FOXC2: variants seen among roughly 807,000 people sequenced by gnomAD.
FOXC2 encodes forkhead box protein C2.
A neutral mutation model predicts 7.2 loss-of-function variants in FOXC2; 7 were observed. That is an observed-to-expected ratio of 0.97 (90% CI 0.55 to 1.81). The LOEUF is 1.81. Among genes scored for constraint, FOXC2 ranks in the 40% most tolerant of loss-of-function variants. The probability of loss-of-function intolerance (pLI) is 0.00; values close to 1 mark genes in which losing one functional copy is unlikely to be tolerated. For synonymous variants in FOXC2, 436 were observed against 350.4 expected (o/e 1.24, Z -2.73); for missense variants, 846 against 741.2 (o/e 1.14, Z -1.64).
rs764783770 is a variant in FOXC2, at chr16:86,568,775, C to T, written c.1440C>T (p.Pro480=). The T allele has an allele frequency of 3.1e-6, 5 of 1,613,002 alleles. No individual in the cohort carries two copies. The highest frequency in any genetic ancestry group is 1.1e-5 in the South Asian group (1 of 91,082). The change falls in exon 1 of 1, where the codon CCC becomes CCT. Residue 480 remains proline, a synonymous_variant. Transcript: ENST00000649859. This position sits in a 1 kb window ranked among gnomAD's most constrained non-coding sequence, Gnocchi z 5.2. ...GTGGCAATGCCAGCTGCCAGCTGCC[C>T]TACAGATCCACGCCGCCTCTCTATC... ...QVSGNASCQL[P]YRSTPPLYRH...
chr16:86,568,024 C>A lies in FOXC2; in HGVS notation c.689C>A (p.Thr230Lys), dbSNP rs1428482010. The change falls in exon 1 of 1, where the codon ACG becomes AAG. Residue 230 changes from threonine to lysine, a missense_variant. Physicochemically the swap from Thr to Lys is moderately conservative, Grantham distance 78 (BLOSUM62 -1). Around this residue, in one of 3 missense-constraint regions of FOXC2, gnomAD observed 640 missense variants for 503.2 expected, o/e 1.27. Coordinates refer to ENST00000649859, the MANE Select transcript of FOXC2 (RefSeq NM_005251.3). This position sits in a 1 kb window ranked among gnomAD's most constrained non-coding sequence, Gnocchi z 5.2. Reference protein sequence around the residue: ...PALPVITKVETLSPESALQGS... With the variant: ...PALPVITKVEKLSPESALQGS... ...CTGCCGGTCATCACCAAGGTGGAGA[C>A]GCTGAGCCCCGAGAGCGCGCTGCAG... is the stretch of plus-strand genomic sequence containing the variant. 32 of 1,478,846 alleles carry A rather than the reference C, an allele frequency of 2.2e-5. No individual in the cohort carries two copies. The highest frequency in any genetic ancestry group is 2.8e-5 in the Non-Finnish European group (31 of 1,126,948). The allele number at this position is 1,478,846 out of a possible 1,614,324, so 91.6% of individuals were successfully genotyped here. A position where few individuals can be genotyped will look rare whatever the true frequency, so the allele number is the denominator to read the frequency against.
rs1228560228 is a variant in FOXC2, at chr16:86,568,486, C to T, written c.1151C>T (p.Ala384Val). Residue 384 changes from alanine (A) to valine (V), a missense_variant, in exon 1 of 1, where the codon GCC becomes GTC. By Grantham distance (64) the Ala-to-Val change is moderately conservative. Transcript: ENST00000649859. The surrounding 1 kb of genome is among the most constrained non-coding windows in gnomAD (Gnocchi z 5.2). ...GCCGGCCAGGAGGGCGCGCTCGCCGCCACGGGCCACCACCACCAGCACCAC... is the reference window on the plus strand; with the variant it reads ...GCCGGCCAGGAGGGCGCGCTCGCCGTCACGGGCCACCACCACCAGCACCAC... ...LAAGQEGALA[A>V]TGHHHQHHGH... is the part of the protein sequence containing the mutation. 10 of 1,298,408 alleles carry T rather than the reference C, an allele frequency of 7.7e-6. No homozygotes were observed. The highest frequency in any genetic ancestry group is 2.8e-4 in the Middle Eastern group (1 of 3,570). The allele number at this position is 1,298,408 out of a possible 1,614,324, so 80.4% of individuals were successfully genotyped here.
rs1172419110 is a variant in FOXC2, at chr16:86,568,744, A to C, written c.1409A>C (p.Gln470Pro). The C allele has an allele frequency of 6.2e-7, 1 of 1,612,862 alleles. No homozygotes were observed. Among genetic ancestry groups the C allele is most frequent in the Admixed American group, 1.7e-5 (1 of 60,004 alleles). ...GAGAACTCGACCCTCGGGGAGTCCC[A>C]GGTGAGTGGCAATGCCAGCTGCCAG... is the stretch of plus-strand genomic sequence containing the variant. ...GIENSTLGES[Q>P]VSGNASCQLP... The change falls in exon 1 of 1, where the codon CAG becomes CCG. Residue 470 changes from glutamine to proline, a missense_variant. Coordinates refer to ENST00000649859, the MANE Select transcript of FOXC2 (RefSeq NM_005251.3). This position sits in a 1 kb window ranked among gnomAD's most constrained non-coding sequence, Gnocchi z 5.2.
rs778476389 is a variant in FOXC2, at chr16:86,568,616, C to G, written c.1281C>G (p.Asn427Lys). The change falls in exon 1 of 1, where the codon AAC (asparagine) becomes AAG (lysine). Residue 427 changes from asparagine (N) to lysine (K), a missense_variant. Coordinates refer to ENST00000649859, the MANE Select transcript of FOXC2 (RefSeq NM_005251.3). The surrounding 1 kb of genome is among the most constrained non-coding windows in gnomAD (Gnocchi z 5.2). Reference protein sequence around the residue: ...AAAQAASWYLNHSGDLNHLPG... With the variant: ...AAAQAASWYLKHSGDLNHLPG... ...CGCAGGCGGCCTCCTGGTATCTCAACCACAGCGGGGACCTGAACCACCTCC... is the reference window on the plus strand; with the variant it reads ...CGCAGGCGGCCTCCTGGTATCTCAAGCACAGCGGGGACCTGAACCACCTCC... The G allele has an allele frequency of 1.7e-5, 28 of 1,611,988 alleles. No individual in the cohort carries two copies. The highest frequency in any genetic ancestry group is 2.3e-5 in the Non-Finnish European group (27 of 1,179,720).
In FOXC2 at chr16:86,568,831, C is replaced by G. The variant is rs1442755880; in HGVS notation, c.1496C>G (p.Thr499Arg). The part of the protein sequence containing the change: ...RHAAPYSYDC[T>R]KY ...GCAGCCCCCTACTCCTACGACTGCA[C>G]GAAATACTGACGTGTCCCGGGACCT... Residue 499 changes from threonine to arginine, a missense_variant, in exon 1 of 1, where the codon ACG becomes AGG. By Grantham distance (71) the Thr-to-Arg change is moderately conservative. This residue lies in a region of FOXC2 where 640 missense variants were observed against 503.2 expected (regional missense o/e 1.27). Coordinates refer to ENST00000649859, the MANE Select transcript of FOXC2 (RefSeq NM_005251.3). The surrounding 1 kb of genome is among the most constrained non-coding windows in gnomAD (Gnocchi z 5.2). 2 of 1,612,642 alleles carry G rather than the reference C, an allele frequency of 1.2e-6. No individual in the cohort carries two copies. Among genetic ancestry groups the G allele is most frequent in the Non-Finnish European group, 1.7e-6 (2 of 1,179,876 alleles).
rs750871506 is a variant in FOXC2 at position 86,567,285 on chromosome 16, C to G, written c.-51C>G. On this transcript the variant is annotated 5_prime_UTR_variant, in exon 1 of 1. Coordinates refer to ENST00000649859, the MANE Select transcript of FOXC2 (RefSeq NM_005251.3). ...TCGCTCTCAGGGCCCCCCTCGCTCC[C>G]CCGGCCGCAGTCCGTGCGCGAGGGC... 1 of 1,608,466 alleles carries G rather than the reference C, an allele frequency of 6.2e-7. No individual in the cohort carries two copies. Among genetic ancestry groups the G allele is most frequent in the Admixed American group, 1.7e-5 (1 of 59,818 alleles).
chr16:86,568,794 C>T lies in FOXC2; in HGVS notation c.1459C>T (p.Leu487Phe). The T allele has an allele frequency of 3.1e-6, 5 of 1,613,052 alleles. No individual in the cohort carries two copies. Among genetic ancestry groups the T allele is most frequent in the Non-Finnish European group, 4.2e-6 (5 of 1,180,010 alleles). The change falls in exon 1 of 1, where the codon CTC becomes TTC. Residue 487 changes from leucine to phenylalanine, a missense_variant. Leu to Phe is a conservative substitution (Grantham distance 22). Transcript: ENST00000649859. This position sits in a 1 kb window ranked among gnomAD's most constrained non-coding sequence, Gnocchi z 5.2. ...GCTGCCCTACAGATCCACGCCGCCT[C>T]TCTATCGCCACGCAGCCCCCTACTC... The part of the protein sequence containing the change: ...CQLPYRSTPP[L>F]YRHAAPYSYD...
At position 86,568,305 on chromosome 16, in the gene FOXC2, G is replaced by C. The variant is rs776762340; in HGVS notation, c.970G>C (p.Gly324Arg). Residue 324 changes from glycine (G) to arginine (R), a missense_variant, in exon 1 of 1, where the codon GGG (glycine) becomes CGG (arginine). Gly to Arg is a moderately radical substitution (Grantham distance 125). Around this residue, in one of 3 missense-constraint regions of FOXC2, gnomAD observed 640 missense variants for 503.2 expected, o/e 1.27. Coordinates refer to ENST00000649859, the MANE Select transcript of FOXC2 (RefSeq NM_005251.3). The surrounding 1 kb of genome is among the most constrained non-coding windows in gnomAD (Gnocchi z 5.2). The part of the protein sequence containing the change: ...GQPCAQGLEA[G>R]AAGGYQCSMR... ...GCCGTGCGCTCAGGGCCTGGAGGCC[G>C]GGGCCGCCGGGGGCTACCAGTGCAG... The C allele has an allele frequency of 9.5e-6, 12 of 1,267,434 alleles. No homozygotes were observed. The highest frequency in any genetic ancestry group is 1.2e-5 in the Non-Finnish European group (12 of 1,006,522). 78.5% of individuals were successfully genotyped at this position (1,267,434 alleles called of 1,614,324 possible).
In FOXC2 at chr16:86,568,436, G is replaced by A. The variant is rs772714414; in HGVS notation, c.1101G>A (p.Ser367=). The A allele has an allele frequency of 8.0e-6, 11 of 1,372,618 alleles. No homozygotes were observed. Among genetic ancestry groups the A allele is most frequent in the South Asian group, 3.1e-5 (2 of 65,230 alleles). 85.0% of individuals were successfully genotyped at this position (1,372,618 alleles called of 1,614,324 possible). The change falls in exon 1 of 1, where the codon TCG becomes TCA. Residue 367 remains serine (S), a synonymous_variant. Coordinates refer to ENST00000649859, the MANE Select transcript of FOXC2 (RefSeq NM_005251.3). This position sits in a 1 kb window ranked among gnomAD's most constrained non-coding sequence, Gnocchi z 5.2. ...ALSDHPSGPT[S]PLSALNLAAG... ...CGGACCACCCGAGCGGCCCCACGTC[G>A]CCCCTGAGCGCTCTCAACCTCGCCG...
chr16:86,568,789 C>G lies in FOXC2; in HGVS notation c.1454C>G (p.Pro485Arg). 2 of 1,613,036 alleles carry G rather than the reference C, an allele frequency of 1.2e-6. No homozygotes were observed. Among genetic ancestry groups the G allele is most frequent in the Non-Finnish European group, 1.7e-6 (2 of 1,180,008 alleles). Residue 485 changes from proline (P) to arginine (R), a missense_variant, in exon 1 of 1, where the codon CCG (proline) becomes CGG (arginine). Physicochemically the swap from Pro to Arg is moderately radical, Grantham distance 103. Transcript: ENST00000649859. The surrounding 1 kb of genome is among the most constrained non-coding windows in gnomAD (Gnocchi z 5.2). ...ASCQLPYRST[P>R]PLYRHAAPYS... ...TGCCAGCTGCCCTACAGATCCACGC[C>G]GCCTCTCTATCGCCACGCAGCCCCC...
In FOXC2 at chr16:86,566,889, C is replaced by T. The variant is rs1037927176; in HGVS notation, c.-447C>T. On this transcript the variant is annotated 5_prime_UTR_variant, in exon 1 of 1. Transcript: ENST00000649859. This position sits in a 1 kb window ranked among gnomAD's most constrained non-coding sequence, Gnocchi z 4.3. ...CTTTTTCTGGGCTCAGCGGGGCAGC[C>T]GCTCGGACCCCGGCGCGCTGACCCT... Among the ~76,000 whole-genome samples, 7 of 152,120 alleles carry T rather than the reference C, an allele frequency of 4.6e-5. No individual in the cohort carries two copies. The highest frequency in any genetic ancestry group is 7.4e-5 in the Non-Finnish European group (5 of 67,984).
chr16:86,567,974 C>G lies in FOXC2; in HGVS notation c.639C>G (p.Ile213Met), dbSNP rs1209688318. The change falls in exon 1 of 1, where the codon ATC (isoleucine) becomes ATG (methionine). Residue 213 changes from isoleucine (I) to methionine (M), a missense_variant. By Grantham distance (10) the Ile-to-Met change is conservative. Transcript: ENST00000649859. Reference sequence around the variant, plus strand: ...AGGAGGCCGAGAAGAAGGTGGTGATCAAGAGCGAGGCGGCGTCCCCGGCGC... The same window carrying G: ...AGGAGGCCGAGAAGAAGGTGGTGATGAAGAGCGAGGCGGCGTCCCCGGCGC... ...APKEAEKKVV[I>M]KSEAASPALP... 2 of 1,529,700 alleles carry G rather than the reference C, an allele frequency of 1.3e-6. No individual in the cohort carries two copies. Among genetic ancestry groups the G allele is most frequent in the Non-Finnish European group, 1.7e-6 (2 of 1,152,886 alleles). 94.8% of individuals were successfully genotyped at this position (1,529,700 alleles called of 1,614,324 possible). A position where few individuals can be genotyped will look rare whatever the true frequency, so the allele number is the denominator to read the frequency against.
In FOXC2 at chr16:86,567,401, G is replaced by C; in HGVS notation, c.66G>C (p.Gln22His). 6.2e-7 allele frequency: 1 copy of C among 1,613,328 alleles called. No homozygotes were observed. Among genetic ancestry groups the C allele is most frequent in the Non-Finnish European group, 8.5e-7 (1 of 1,179,850 alleles). Residue 22 changes from glutamine to histidine, a missense_variant, in exon 1 of 1, where the codon CAG (glutamine) becomes CAC (histidine). Gln to His is a conservative substitution (Grantham distance 24). Around this residue, in one of 3 missense-constraint regions of FOXC2, gnomAD observed 154 missense variants for 134.2 expected, o/e 1.15. Transcript: ENST00000649859. ...GAGTGGTGCCCTACCTGAGCGAGCA[G>C]AATTACTACCGGGCTGCGGGCAGCT... ...ALGVVPYLSE[Q>H]NYYRAAGSYG... is the part of the protein sequence containing the mutation.
Position 86,568,319 on chromosome 16 carries a change from C to T in FOXC2, c.984C>T (p.Gly328=). 2.3e-6 allele frequency: 3 copies of T among 1,289,306 alleles called. No individual in the cohort carries two copies. Among genetic ancestry groups the T allele is most frequent in the Non-Finnish European group, 2.9e-6 (3 of 1,018,566 alleles). 79.9% of individuals were successfully genotyped at this position (1,289,306 alleles called of 1,614,324 possible). ...GCCTGGAGGCCGGGGCCGCCGGGGG[C>T]TACCAGTGCAGCATGCGAGCGATGA... ...AQGLEAGAAG[G]YQCSMRAMSL... is the part of the protein sequence containing the mutation. The change falls in exon 1 of 1, where the codon GGC becomes GGT. Residue 328 remains glycine (G), a synonymous_variant. Transcript: ENST00000649859. This position sits in a 1 kb window ranked among gnomAD's most constrained non-coding sequence, Gnocchi z 5.2.
In FOXC2 at chr16:86,568,643, C is replaced by T. The variant is rs145346124; in HGVS notation, c.1308C>T (p.Pro436=). 442 of 1,612,722 alleles carry T rather than the reference C, an allele frequency of 2.7e-4. 4 individuals carry two copies. In the African/African-American group the frequency reaches 5.4e-3, roughly 20 times the overall value. The stretch of plus-strand genomic sequence containing the variant: ...ACAGCGGGGACCTGAACCACCTCCC[C>T]GGCCACACGTTCGCGGCCCAGCAGC... ...LNHSGDLNHL[P]GHTFAAQQQT... The change falls in exon 1 of 1, where the codon CCC becomes CCT. Residue 436 remains proline, a synonymous_variant. Coordinates refer to ENST00000649859, the MANE Select transcript of FOXC2 (RefSeq NM_005251.3). The surrounding 1 kb of genome is among the most constrained non-coding windows in gnomAD (Gnocchi z 5.2).
chr16:86,568,231 CG>C lies in FOXC2; in HGVS notation c.897del (p.Pro300ArgfsTer37). The C allele has an allele frequency of 7.9e-7, 1 of 1,273,714 alleles. No individual in the cohort carries two copies. Among genetic ancestry groups the C allele is most frequent in the Non-Finnish European group, 9.9e-7 (1 of 1,015,094 alleles). 78.9% of individuals were successfully genotyped at this position (1,273,714 alleles called of 1,614,324 possible). ...PGAGRAGLVV[P>X]PLALPYAAAP... ...GCCGGACGCGCGGGCCTGGTGGTGC[CG>C]CCGCTGGCGCTGCCCTACGCCGCCG... On this transcript the variant is annotated frameshift_variant, in exon 1 of 1. Coordinates refer to ENST00000649859, the MANE Select transcript of FOXC2 (RefSeq NM_005251.3). LOFTEE classifies it low-confidence loss of function (END_TRUNC). This position sits in a 1 kb window ranked among gnomAD's most constrained non-coding sequence, Gnocchi z 5.2.
chr16:86,567,575 C>T lies in FOXC2; in HGVS notation c.240C>T (p.Leu80=). 6.2e-7 allele frequency: 1 copy of T among 1,614,208 alleles called. No homozygotes were observed. Among genetic ancestry groups the T allele is most frequent in the Non-Finnish European group, 8.5e-7 (1 of 1,180,042 alleles). Reference sequence around the variant, plus strand: ...AGCCGCCCTACAGCTACATCGCGCTCATCACCATGGCCATCCAGAACGCGC... The same window carrying T: ...AGCCGCCCTACAGCTACATCGCGCTTATCACCATGGCCATCCAGAACGCGC... ...LVKPPYSYIA[L]ITMAIQNAPE... is the part of the protein sequence containing the mutation. Residue 80 remains leucine, a synonymous_variant, in exon 1 of 1, where the codon CTC becomes CTT. Coordinates refer to ENST00000649859, the MANE Select transcript of FOXC2 (RefSeq NM_005251.3).
Position 86,569,217 on chromosome 16 carries a change from C to A in FOXC2, c.*376C>A, listed in dbSNP as rs1403853629. ...CCCCTAGTGACTTTCTGTAGGGGTC[C>A]CCATAGGTGTATGGGGGTCTCTATA... is the stretch of plus-strand genomic sequence containing the variant. On this transcript the variant is annotated 3_prime_UTR_variant, in exon 1 of 1. Transcript: ENST00000649859. 2.7e-6 allele frequency: 1 copy of A among 367,824 alleles called. No individual in the cohort carries two copies. The highest frequency in any genetic ancestry group is 2.1e-5 in the African/African-American group (1 of 47,902). 22.8% of individuals were successfully genotyped at this position (367,824 alleles called of 1,614,324 possible). A position where few individuals can be genotyped will look rare whatever the true frequency, so the allele number is the denominator to read the frequency against.
Position 86,567,882 on chromosome 16 carries a change from C to G in FOXC2, c.547C>G (p.Leu183Val), listed in dbSNP as rs202085650. Residue 183 changes from leucine to valine, a missense_variant, in exon 1 of 1, where the codon CTC becomes GTC. Coordinates refer to ENST00000649859, the MANE Select transcript of FOXC2 (RefSeq NM_005251.3). ...CAAGGAGAAGGAGGAGCGGGCCCAC[C>G]TCAAGGAGCCGCCCCCGGCGGCGTC... ...VSKEKEERAH[L>V]KEPPPAASKG... 9 of 1,604,000 alleles carry G rather than the reference C, an allele frequency of 5.6e-6. No homozygotes were observed. The highest frequency in any genetic ancestry group is 1.3e-5 in the African/African-American group (1 of 74,218).
Sources: gnomAD v4.1 joint callset for allele counts (sites outside exome capture counted in the v4.1 genomes callset) on GRCh38, gnomAD v4.1.1 for gene constraint, gnomAD v4.1.1 regional missense constraint, Gnocchi (gnomAD v3.1) non-coding constraint, MANE v1.5 for transcripts, NCBI Gene and HGNC (gene_info 2026-07-23, HGNC 2026-07-21) for gene names.